The following ANKDD1A variants were observed in gnomAD, a reference collection of about 807,000 sequenced individuals.
ANKDD1A encodes the protein ankyrin repeat and death domain containing 1A.
Under a neutral mutation model 63.5 loss-of-function variants are expected in ANKDD1A, and 59 were observed. That is an observed-to-expected ratio of 0.93 (90% CI 0.75 to 1.15). The LOEUF (loss-of-function observed/expected upper bound fraction) is 1.15. Ranked by LOEUF, ANKDD1A falls within the 50% of genes most tolerant of loss-of-function variation. The pLI, the probability that ANKDD1A is intolerant of heterozygous loss-of-function variation, is 0.00. For synonymous variants in ANKDD1A, 266 were observed against 263.9 expected, an observed-to-expected ratio of 1.01 and a Z score of -0.08; for missense variants, 632 against 656.4, an observed-to-expected ratio of 0.96 and a Z score of 0.41.
chr15:64,926,074 GA>G lies in ANKDD1A; in HGVS notation c.376del (p.Thr126ProfsTer18). ...KIHCESKDGL[T>X]LLHCAAQKGH... Reference sequence around the variant, plus strand: ...CCTGCACTTGTTTCCAGGATGGCCTGACCTTACTGCACTGCGCAGCCCAAAA... The same window carrying G: ...CCTGCACTTGTTTCCAGGATGGCCTGCCTTACTGCACTGCGCAGCCCAAAA... On this transcript the variant is annotated frameshift_variant, in exon 5 of 15. Coordinates refer to ENST00000319580, the MANE Select transcript of ANKDD1A (RefSeq NM_182703.6). LOFTEE classifies it high-confidence loss of function. 3.1e-6 allele frequency: 5 copies of G among 1,613,210 alleles called. No individual in the cohort carries two copies. Among genetic ancestry groups the G allele is most frequent in the Non-Finnish European group, 4.2e-6 (5 of 1,179,790 alleles).
At chr15:64,952,599 G>A (rs1175762327) in intron 14 of ANKDD1A, among the ~76,000 whole-genome samples, 38 of 24,462 alleles carry the variant, frequency 1.6e-3, no homozygotes, top group African/African-American at 3.9e-3. Context: ...TTCTTCCTTC[G>A]TCTTCTTCTT....
At chr15:64,935,472 G>A (rs545602043) in intron 9 of ANKDD1A, among the ~76,000 whole-genome samples, 1 of 152,080 alleles carries the variant, frequency 6.6e-6, no homozygotes, top group South Asian at 2.1e-4. Context: ...TCAGGAGATC[G>A]AGACCATCCT....
chr15:64,928,870 A>G (rs1315353485), intron 6 of ANKDD1A, among the ~76,000 whole-genome samples: 1 of 152,218 alleles, frequency 6.6e-6, no homozygotes, highest in Non-Finnish European at 1.5e-5. Flanking sequence ...TCAGGCATCC[A>G]TGTGTGCCAC....
At chr15:64,936,450 TTTAA>T (rs1233196883) in intron 9 of ANKDD1A, among the ~76,000 whole-genome samples, 1 of 152,238 alleles carries the variant, frequency 6.6e-6, no homozygotes, top group Non-Finnish European at 1.5e-5. Context: ...TATTTATTTA[TTTAA>T]TTGTGTCACT....
chr15:64,930,778 GACTC>G, intron 6 of ANKDD1A, 40 bp from the exon 7 acceptor site: 1 of 1,576,734 alleles, frequency 6.3e-7, no homozygotes, highest in Admixed American at 1.8e-5. Context: ...GTGATTCTGG[GACTC>G]TCTGGTCTGC....
intron 3 of ANKDD1A, among the ~76,000 whole-genome samples, chr15:64,918,090 G>A (rs550829081): frequency 3.3e-5 from 5 of 152,218 alleles, no homozygotes; most frequent in African/African-American, 9.6e-5. Context: ...GCGCCTGGGC[G>A]CGATGGCTCA....
intron 8 of ANKDD1A, among the ~76,000 whole-genome samples, chr15:64,932,951 GA>G (rs60950432): frequency 1.6e-4 from 23 of 140,986 alleles, no homozygotes; most frequent in Admixed American, 9.2e-4. Context: ...CCTGTCTCAA[GA>G]AAAAAAAAAA....
intron 14 of ANKDD1A, among the ~76,000 whole-genome samples, chr15:64,955,115 G>A (rs556372067): frequency 6.9e-4 from 104 of 151,434 alleles, no homozygotes; most frequent in African/African-American, 2.2e-3. Context: ...GTGCAGTGGC[G>A]CAATCTTGGC....
chr15:64,916,721 G>A (rs932520004), intron 2 of ANKDD1A, among the ~76,000 whole-genome samples: 9 of 152,236 alleles, frequency 5.9e-5, no homozygotes, highest in African/African-American at 2.2e-4. Context: ...GAGCAGCTGG[G>A]CTCCAGAGAG....
intron 1 of ANKDD1A, among the ~76,000 whole-genome samples, chr15:64,912,999 G>A (rs1423224007): frequency 6.6e-6 from 1 of 152,222 alleles, no homozygotes; most frequent in Admixed American, 6.5e-5. Flanking sequence ...GGTATTGGAT[G>A]TGGCCAGAAA....
intron 11 of ANKDD1A, 61 bp downstream of exon 11, chr15:64,943,643 C>T: frequency 7.4e-6 from 11 of 1,493,264 alleles, no homozygotes; most frequent in Non-Finnish European, 1.0e-5. Flanking sequence ...TGCCAGAGAC[C>T]CTGCTACGAA....
At chr15:64,937,084 A>G (rs558762230) in intron 9 of ANKDD1A, among the ~76,000 whole-genome samples, 2 of 152,250 alleles carry the variant, frequency 1.3e-5, no homozygotes, top group African/African-American at 4.8e-5. Context: ...GCACCTTCAT[A>G]TGTTACTGGA....
In ANKDD1A at chr15:64,953,628, T is replaced by TTCTTCTTCTTTC. The variant is rs1472903050; in HGVS notation, c.1484-3473_1484-3472insTTCTTCTTTCTC. ...CTTTCTTCTCTCCTTCTTCTTCTTC[T>TTCTTCTTCTTTC]TCCTTCTTCTTCCTCTTCCTTCTCC... On this transcript the variant is annotated intron_variant, in intron 14 of 14. Coordinates refer to ENST00000319580, the MANE Select transcript of ANKDD1A (RefSeq NM_182703.6). Among the ~76,000 whole-genome samples the TTCTTCTTCTTTC allele has an allele frequency of 4.1e-4, 52 of 125,754 alleles. 3 individuals carry two copies. The highest frequency in any genetic ancestry group is 7.2e-4 in the Non-Finnish European group (43 of 59,624). The allele number at this position is 125,754 out of a possible 152,430, so 82.5% of individuals were successfully genotyped here.
intron 6 of ANKDD1A, among the ~76,000 whole-genome samples, chr15:64,929,843 C>T (rs1230000840): frequency 1.3e-5 from 2 of 152,068 alleles, no homozygotes; most frequent in African/African-American, 4.8e-5. Context: ...TGGAACCAAC[C>T]CAAATGCCCA....
intron 14 of ANKDD1A, chr15:64,950,694 G>C (rs1041209902): frequency 1.1e-6 from 1 of 950,280 alleles, no homozygotes; most frequent in African/African-American, 1.9e-5. Context: ...TGAGGGAAAT[G>C]TTTCTAGCAT....
chr15:64,917,351 G>A (rs770835826), intron 2 of ANKDD1A, 35 bp from the exon 3 acceptor site: 2 of 1,571,096 alleles, frequency 1.3e-6, no homozygotes, highest in Non-Finnish European at 1.7e-6. Context: ...CCAGGTGGCA[G>A]CAGCACCTGA....
At chr15:64,956,211 T>C (rs537008063) in intron 14 of ANKDD1A, among the ~76,000 whole-genome samples, 109 of 150,484 alleles carry the variant, frequency 7.2e-4, no homozygotes, top group African/African-American at 2.4e-3. Context: ...TTGCAGGTGA[T>C]GTATTTTTTT....
intron 14 of ANKDD1A, among the ~76,000 whole-genome samples, chr15:64,952,963 TC>T (rs201932552): frequency 0.048 from 1,198 of 25,022 alleles, 19 homozygotes; most frequent in Non-Finnish European, 0.058. Flanking sequence ...TTCTTCCTCT[TC>T]TTCTTTTCTT....
intron 2 of ANKDD1A, 71 bp from the exon 3 acceptor site, chr15:64,917,315 G>T: frequency 2.0e-6 from 3 of 1,511,620 alleles, no homozygotes; most frequent in Non-Finnish European, 2.7e-6. Flanking sequence ...TGTCCTGGGG[G>T]AGGGTGTGGG....
Sources: gnomAD v4.1 joint callset for allele counts (sites outside exome capture counted in the v4.1 genomes callset) on GRCh38, gnomAD v4.1.1 for gene constraint, MANE v1.5 for transcripts, NCBI Gene and HGNC (gene_info 2026-07-23, HGNC 2026-07-21) for gene names.